NIBAN1: variants seen among roughly 807,000 people sequenced by gnomAD.
NIBAN1 encodes niban apoptosis regulator 1, also known as protein Niban 1.
In NIBAN1, 81 loss-of-function variants were observed where a neutral mutation model predicts 75.1. The ratio of observed to expected loss-of-function variants is 1.08; its 90% CI spans 0.90 to 1.30. The LOEUF (loss-of-function observed/expected upper bound fraction) is 1.30. NIBAN1 is among the 50% of genes most tolerant of loss of function. NIBAN1 has a pLI of 0.00. For missense variants in NIBAN1, 1,133 were observed against 1,128.1 expected (o/e 1.00, Z -0.06); for synonymous variants, 436 against 424.8 (o/e 1.03, Z -0.32).
chr1:184,958,364 T>TCACACA (rs3035788), intron 1 of NIBAN1, among the ~76,000 whole-genome samples: 1,652 of 142,668 alleles, frequency 0.012, 29 homozygotes, highest in East Asian at 0.072. Context: ...GACAGAGGAG[T>TCACACA]CACACACACA....
At chr1:184,833,834 CA>C (rs746247156) in intron 5 of NIBAN1, among the ~76,000 whole-genome samples, 1 of 149,528 alleles carries the variant, frequency 6.7e-6, no homozygotes, top group Non-Finnish European at 1.5e-5. Context: ...TTTCAAGAAT[CA>C]AGGTTTTTTG....
At position 184,974,494 on chromosome 1, in the gene NIBAN1, G is replaced by A; in HGVS notation, c.-138C>T. On this transcript the variant is annotated 5_prime_UTR_variant, in exon 1 of 14. Transcript: ENST00000367511. ...TCGAGAGGCGAGAGACAGGAGGCAAGAGGCGTCGCCTTCTGGGGCGCCTCC... is the reference window on the plus strand; with the variant it reads ...TCGAGAGGCGAGAGACAGGAGGCAAAAGGCGTCGCCTTCTGGGGCGCCTCC... The A allele has an allele frequency of 8.4e-7, 1 of 1,190,964 alleles. No individual in the cohort carries two copies. The highest frequency in any genetic ancestry group is 1.2e-6 in the Non-Finnish European group (1 of 865,354). The allele number at this position is 1,190,964 out of a possible 1,614,324, so 73.8% of individuals were successfully genotyped here.
chr1:184,926,042 C>T (rs1657672358), intron 1 of NIBAN1, among the ~76,000 whole-genome samples: 1 of 152,130 alleles, frequency 6.6e-6, no homozygotes, highest in South Asian at 2.1e-4. Context: ...AATCCTTTAG[C>T]TTGTCTAAGA....
At chr1:184,943,312 A>C (rs1658142631) in intron 1 of NIBAN1, among the ~76,000 whole-genome samples, 1 of 152,068 alleles carries the variant, frequency 6.6e-6, no homozygotes, top group South Asian at 2.1e-4. Context: ...AGTAAAGAAA[A>C]GAGACTACAG....
At chr1:184,908,079 A>G (rs1296573385) in intron 1 of NIBAN1, among the ~76,000 whole-genome samples, 1 of 152,156 alleles carries the variant, frequency 6.6e-6, no homozygotes, top group Non-Finnish European at 1.5e-5. Flanking sequence ...ACAAACAATA[A>G]AGCATCGTTT....
At chr1:184,962,385 C>T (rs951077884) in intron 1 of NIBAN1, among the ~76,000 whole-genome samples, 1 of 151,768 alleles carries the variant, frequency 6.6e-6, no homozygotes, top group African/African-American at 2.4e-5. Flanking sequence ...TTGCCTAGTG[C>T]CTTTGAGAAC....
intron 5 of NIBAN1, among the ~76,000 whole-genome samples, chr1:184,856,844 C>T (rs181475330): frequency 2.5e-3 from 374 of 152,256 alleles, no homozygotes; most frequent in Admixed American, 4.1e-3. Context: ...AACACAACAG[C>T]GAGTGTGATA....
At chr1:184,947,379 G>C (rs901276537) in intron 1 of NIBAN1, among the ~76,000 whole-genome samples, 1 of 152,124 alleles carries the variant, frequency 6.6e-6, no homozygotes, top group Non-Finnish European at 1.5e-5. Context: ...AGGTTACCAG[G>C]GTCTGGGAGG....
chr1:184,961,764 T>C (rs780220159), intron 1 of NIBAN1, among the ~76,000 whole-genome samples: 12 of 152,184 alleles, frequency 7.9e-5, no homozygotes, highest in Non-Finnish European at 1.3e-4. Flanking sequence ...TTTTGATCAG[T>C]GGGATGTAAG....
rs564976449 is a variant in NIBAN1, at chr1:184,967,809, G to A, written c.55+6493C>T. Reference sequence around the variant, plus strand: ...GGATTTATCAAGGCTTGTATTAGAAGCCACAAGAGGGAAAGTCACTCTTTG... The same window carrying A: ...GGATTTATCAAGGCTTGTATTAGAAACCACAAGAGGGAAAGTCACTCTTTG... On this transcript the variant is annotated intron_variant, in intron 1 of 13. Transcript: ENST00000367511. Among the ~76,000 whole-genome samples the A allele has an allele frequency of 9.2e-5, 14 of 152,266 alleles. No homozygotes were observed. In the South Asian group the frequency reaches 2.7e-3, roughly 29 times the overall value.
chr1:184,907,695 T>C (rs1353414516), intron 1 of NIBAN1, among the ~76,000 whole-genome samples: 1 of 152,202 alleles, frequency 6.6e-6, no homozygotes, highest in South Asian at 2.1e-4. Flanking sequence ...TTTCTTCTGG[T>C]AAATGCCTTA....
At position 184,796,004 on chromosome 1, in the gene NIBAN1, T is replaced by C. The variant is rs552463449; in HGVS notation, c.1760A>G (p.Lys587Arg). The C allele has an allele frequency of 6.2e-7, 1 of 1,613,040 alleles. No homozygotes were observed. Among genetic ancestry groups the C allele is most frequent in the Admixed American group, 1.7e-5 (1 of 60,018 alleles). ...SESVSSLTDL[K>R]PPTGSNQASP... ...GGCCTGGTTTGACCCTGTGGGGGGC[T>C]TTAGATCTGTTAAGCTGGACACACT... Residue 587 changes from lysine to arginine, a missense_variant, in exon 14 of 14, where the codon AAG (lysine) becomes AGG (arginine). Lys to Arg is a conservative substitution (Grantham distance 26). Transcript: ENST00000367511.
chr1:184,799,735 CTTTTTTT>C (rs780273995), intron 12 of NIBAN1, among the ~76,000 whole-genome samples: 1 of 49,802 alleles, frequency 2.0e-5, no homozygotes, highest in African/African-American at 1.0e-4. Flanking sequence ...GATTGCCATT[CTTTTTTT>C]TTTTTTTTTT....
intron 1 of NIBAN1, among the ~76,000 whole-genome samples, chr1:184,912,417 T>G (rs1041783518): frequency 6.6e-6 from 1 of 152,150 alleles, no homozygotes; most frequent in Non-Finnish European, 1.5e-5. Context: ...GCACTTCATA[T>G]AGCCAAACTG....
chr1:184,869,396 C>T lies in NIBAN1; in HGVS notation c.601+15237G>A, dbSNP rs1412491552. The stretch of plus-strand genomic sequence containing the variant: ...GTAAAGAAAATGTATCTCAGTTGTG[C>T]TTGCTATTAGATTCAGGATTATTTT... On this transcript the variant is annotated intron_variant, in intron 5 of 13. Coordinates refer to ENST00000367511, the MANE Select transcript of NIBAN1 (RefSeq NM_052966.4). Among the ~76,000 whole-genome samples the T allele has an allele frequency of 3.9e-5, 6 of 152,234 alleles. No individual in the cohort carries two copies. In the East Asian group the frequency reaches 9.6e-4, roughly 24 times the overall value.
chr1:184,832,975 A>G (rs764205560), intron 5 of NIBAN1, among the ~76,000 whole-genome samples: 1 of 152,050 alleles, frequency 6.6e-6, no homozygotes, highest in Non-Finnish European at 1.5e-5. Context: ...ATAAATAATC[A>G]AGCCTTAGAA....
intron 5 of NIBAN1, among the ~76,000 whole-genome samples, chr1:184,880,926 C>A (rs1656360475): frequency 6.6e-6 from 1 of 152,182 alleles, no homozygotes; most frequent in Non-Finnish European, 1.5e-5. Flanking sequence ...GGACAGAGGA[C>A]AGCAGCTACT....
At chr1:184,816,814 G>C (rs1024777845) in intron 9 of NIBAN1, among the ~76,000 whole-genome samples, 4 of 149,018 alleles carry the variant, frequency 2.7e-5, no homozygotes, top group African/African-American at 9.9e-5. Flanking sequence ...CAATGACTAA[G>C]GTTTTGGTCA....
At chr1:184,943,900 G>GA (rs1277112942) in intron 1 of NIBAN1, among the ~76,000 whole-genome samples, 1 of 152,026 alleles carries the variant, frequency 6.6e-6, no homozygotes, top group African/African-American at 2.4e-5. Context: ...AACCGAAAGG[G>GA]AAAAAATAAA....
Sources: gnomAD v4.1 joint callset for allele counts (sites outside exome capture counted in the v4.1 genomes callset) on GRCh38, gnomAD v4.1.1 for gene constraint, MANE v1.5 for transcripts, NCBI Gene and HGNC (gene_info 2026-07-23, HGNC 2026-07-21) for gene names.